Variants in KIF3C observed in about 807,000 individuals in gnomAD.
KIF3C encodes the protein kinesin-like protein KIF3C.
Under a neutral mutation model 67.7 loss-of-function variants are expected in KIF3C, and 12 were observed. The observed-to-expected ratio is 0.18, with a 90% CI of 0.11 to 0.29. The LOEUF (loss-of-function observed/expected upper bound fraction) is 0.29. Ranked by LOEUF, KIF3C falls within the 10% of genes least tolerant of loss-of-function variation. The probability of loss-of-function intolerance (pLI) is 1.00; values close to 1 mark genes in which losing one functional copy is unlikely to be tolerated. For missense variants in KIF3C, 789 were observed against 1,059.6 expected, an observed-to-expected ratio of 0.74 and a Z score of 3.55; for synonymous variants, 393 against 426.2, an observed-to-expected ratio of 0.92 and a Z score of 0.96.
chr2:25,950,354 A>C (rs1663567813), intron 5 of KIF3C, among the ~76,000 whole-genome samples: 1 of 151,600 alleles, frequency 6.6e-6, no homozygotes, highest in Non-Finnish European at 1.5e-5. Flanking sequence ...AGTAGCTAGG[A>C]TTACAGGCGC....
chr2:25,955,178 TCTC>T lies in KIF3C; in HGVS notation c.1770+360_1770+362del, dbSNP rs1231409878. Among the ~76,000 whole-genome samples the T allele has an allele frequency of 6.6e-6, 1 of 151,970 alleles. No homozygotes were observed. ...CCACCTGAGCTTCCCGGGGTTCCAG[TCTC>T]CTCCTCAGCCTCTCTGTATTCCCCT... On this transcript the variant is annotated intron_variant, in intron 3 of 7. Transcript: ENST00000264712. The surrounding 1 kb of genome is among the most constrained non-coding windows in gnomAD (Gnocchi z 5.0).
chr2:25,965,922 A>G (rs975434206), intron 1 of KIF3C, among the ~76,000 whole-genome samples: 6 of 152,024 alleles, frequency 3.9e-5, no homozygotes, highest in Non-Finnish European at 5.9e-5. Context: ...GTGGGGGTGG[A>G]AAAGACAGGG....
intron 5 of KIF3C, among the ~76,000 whole-genome samples, chr2:25,945,147 T>G (rs931567951): frequency 6.0e-5 from 9 of 151,046 alleles, no homozygotes; most frequent in Admixed American, 5.3e-4. Flanking sequence ...AAAAAAAAAT[T>G]TAAGGGAACA....
At chr2:25,979,746 T>A (rs1664515591) in intron 1 of KIF3C, among the ~76,000 whole-genome samples, 1 of 152,178 alleles carries the variant, frequency 6.6e-6, no homozygotes, top group South Asian at 2.1e-4. Context: ...AGCTAAGAAC[T>A]GAAACAGCAT....
intron 1 of KIF3C, among the ~76,000 whole-genome samples, chr2:25,957,059 C>T (rs1663823568): frequency 6.6e-6 from 1 of 152,168 alleles, no homozygotes; most frequent in African/African-American, 2.4e-5. Context: ...AAATTAATCC[C>T]TTCAGGTCTG....
At chr2:25,953,635 C>T (rs1281615930) in intron 4 of KIF3C, among the ~76,000 whole-genome samples, 1 of 150,296 alleles carries the variant, frequency 6.7e-6, no homozygotes, top group Non-Finnish European at 1.5e-5. Flanking sequence ...GCTGGGATTA[C>T]AGGCATGAGC....
chr2:25,954,201 G>A, intron 4 of KIF3C, 66 bp downstream of exon 4: 5 of 1,130,548 alleles, frequency 4.4e-6, no homozygotes, highest in Non-Finnish European at 6.8e-6. Flanking sequence ...GGCCTTAGGG[G>A]AGGAGAGGCC....
At chr2:25,950,370 AC>A (rs1663568435) in intron 5 of KIF3C, among the ~76,000 whole-genome samples, 1 of 151,436 alleles carries the variant, frequency 6.6e-6, no homozygotes, top group Non-Finnish European at 1.5e-5. Flanking sequence ...GGCGCCTGCC[AC>A]CACGCCCAGC....
intron 5 of KIF3C, among the ~76,000 whole-genome samples, chr2:25,943,391 C>T (rs1308402794): frequency 6.6e-6 from 1 of 152,186 alleles, no homozygotes; most frequent in Non-Finnish European, 1.5e-5. Context: ...GAGATCCAGG[C>T]CAGCAGCTCC....
chr2:25,956,266 G>T, intron 2 of KIF3C, 77 bp downstream of exon 2: 1 of 1,067,118 alleles, frequency 9.4e-7, no homozygotes, highest in Non-Finnish European at 1.4e-6. Flanking sequence ...AGTCCACCAT[G>T]GTTTACGGCC....
At chr2:25,957,925 TC>T (rs1011948700) in intron 1 of KIF3C, among the ~76,000 whole-genome samples, 9 of 152,098 alleles carry the variant, frequency 5.9e-5, no homozygotes, top group African/African-American at 2.2e-4. Flanking sequence ...GTTAATGATC[TC>T]CCCTCTTACC....
intron 1 of KIF3C, among the ~76,000 whole-genome samples, chr2:25,973,417 G>A (rs1034741939): frequency 1.3e-5 from 2 of 152,034 alleles, no homozygotes; most frequent in African/African-American, 4.8e-5. Context: ...AGCCAGGTGT[G>A]GTGGCGTGCA....
intron 1 of KIF3C, among the ~76,000 whole-genome samples, chr2:25,971,955 G>A (rs1260749612): frequency 7.2e-6 from 1 of 138,496 alleles, no homozygotes; most frequent in African/African-American, 2.7e-5. Context: ...TCAAACTCCT[G>A]GCCTCAAGTG....
chr2:25,975,503 C>G (rs1664390468), intron 1 of KIF3C, among the ~76,000 whole-genome samples: 1 of 152,164 alleles, frequency 6.6e-6, no homozygotes, highest in South Asian at 2.1e-4. Context: ...AGCACCTCCT[C>G]AGGAACCAGT....
chr2:25,935,777 T>C (rs1355568038), intron 5 of KIF3C, among the ~76,000 whole-genome samples: 3 of 152,144 alleles, frequency 2.0e-5, no homozygotes, highest in Non-Finnish European at 4.4e-5. Context: ...ATGTAGTCAA[T>C]AAAATTTTTA....
intron 4 of KIF3C, 54 bp downstream of exon 4, chr2:25,954,213 G>A: frequency 7.7e-7 from 1 of 1,292,926 alleles, no homozygotes; most frequent in South Asian, 1.2e-5. Context: ...GGAGAGGCCT[G>A]AGTAATGATG....
At chr2:25,970,759 CTGT>C (rs1471027938) in intron 1 of KIF3C, among the ~76,000 whole-genome samples, 2 of 150,934 alleles carry the variant, frequency 1.3e-5, no homozygotes, top group Non-Finnish European at 2.9e-5. Context: ...ATTACCACCA[CTGT>C]TGTTATTTTT....
chr2:25,942,993 A>G (rs1421418059), intron 5 of KIF3C, among the ~76,000 whole-genome samples: 3 of 152,196 alleles, frequency 2.0e-5, no homozygotes, highest in African/African-American at 2.4e-5. Flanking sequence ...ATGGGACAGC[A>G]TGACTTCAGG....
intron 1 of KIF3C, 61 bp from the exon 2 acceptor site, chr2:25,956,505 G>T (rs372680653): frequency 6.0e-6 from 8 of 1,329,250 alleles, no homozygotes; most frequent in East Asian, 4.6e-5. Flanking sequence ...TTGCTAGCTG[G>T]AGAGATTTTG....
Sources: allele counts gnomAD v4.1 joint callset (sites outside exome capture counted in the v4.1 genomes callset), GRCh38; gene constraint gnomAD v4.1.1; non-coding constraint Gnocchi (gnomAD v3.1); transcripts MANE v1.5; gene names NCBI Gene and HGNC (gene_info 2026-07-23, HGNC 2026-07-21).